The following PNO1 variants were observed in gnomAD, a reference collection of about 807,000 sequenced individuals.
PNO1 encodes RNA-binding protein PNO1.
In PNO1, 16 loss-of-function variants were observed where a neutral mutation model predicts 28.4. The ratio of observed to expected loss-of-function variants is 0.56; its 90% confidence interval spans 0.38 to 0.85. The LOEUF (loss-of-function observed/expected upper bound fraction) is 0.85. PNO1 is among the 40% of genes least tolerant of loss of function. The probability of loss-of-function intolerance (pLI) is 0.00; values close to 1 mark genes in which losing one functional copy is unlikely to be tolerated. For missense variants in PNO1, 304 were observed against 312.2 expected (o/e 0.97, Z 0.20); for synonymous variants, 115 against 110.8 (o/e 1.04, Z -0.24).
intron 3 of PNO1, 46 bp downstream of exon 3, chr2:68,161,812 A>AC: frequency 3.2e-6 from 4 of 1,262,104 alleles, no homozygotes; most frequent in Non-Finnish European, 4.6e-6. Flanking sequence ...AAAAATATTC[A>AC]ATGTGAACAT....
At chr2:68,161,520 C>T (rs973678673) in intron 2 of PNO1, among the ~76,000 whole-genome samples, 163 bp from the exon 3 acceptor site, 28 of 152,300 alleles carry the variant, frequency 1.8e-4, no homozygotes, top group African/African-American at 6.7e-4. Flanking sequence ...AAATAAAGTA[C>T]AGCACTTATC....
chr2:68,168,921 C>CTTTTTTT (rs57701897), intron 5 of PNO1, among the ~76,000 whole-genome samples: 1,284 of 72,466 alleles, frequency 0.018, no homozygotes, highest in East Asian at 0.026. Context: ...CAGCTTTTTT[C>CTTTTTTT]TTTTTTTTTT....
intron 6 of PNO1, among the ~76,000 whole-genome samples, chr2:68,174,390 G>A (rs762045350): frequency 1.4e-5 from 2 of 147,080 alleles, no homozygotes; most frequent in African/African-American, 5.1e-5. Flanking sequence ...CTGTCTGCAA[G>A]GTCCACATCT....
chr2:68,167,163 T>C (rs1674016818), intron 5 of PNO1, among the ~76,000 whole-genome samples: 1 of 152,212 alleles, frequency 6.6e-6, no homozygotes, highest in Non-Finnish European at 1.5e-5. Context: ...TTCCATAGCA[T>C]TGACACTATT....
In PNO1 at chr2:68,173,362, T is replaced by C; in HGVS notation, c.636T>C (p.Leu212=). The change falls in exon 6 of 7, where the codon CTT becomes CTC. Residue 212 remains leucine (L), a synonymous_variant. Transcript: ENST00000263657. ...IVLADVKVHI[L]GSFQNIKMAR... ...TTTCTTTCAGGAAAGTTCACATCCTTGGCTCCTTCCAAAATATCAAGATGG... is the reference window on the plus strand; with the variant it reads ...TTTCTTTCAGGAAAGTTCACATCCTCGGCTCCTTCCAAAATATCAAGATGG... 6.2e-7 allele frequency: 1 copy of C among 1,602,696 alleles called. No homozygotes were observed. Among genetic ancestry groups the C allele is most frequent in the Non-Finnish European group, 8.5e-7 (1 of 1,169,844 alleles).
chr2:68,174,979 G>A lies in PNO1; in HGVS notation c.*177G>A. 2 of 502,492 alleles carry A rather than the reference G, an allele frequency of 4.0e-6. No homozygotes were observed. Among genetic ancestry groups the A allele is most frequent in the Non-Finnish European group, 7.1e-6 (2 of 280,920 alleles). 31.1% of individuals were successfully genotyped at this position (502,492 alleles called of 1,614,324 possible). ...GATTTAAGAGGATTCACACTCAACA[G>A]GTTTTAGGATAATTTAAATATCAAA... is the stretch of plus-strand genomic sequence containing the variant. On this transcript the variant is annotated 3_prime_UTR_variant, in exon 7 of 7. Transcript: ENST00000263657.
intron 2 of PNO1, 135 bp from the exon 3 acceptor site, chr2:68,161,548 A>G (rs1229565931): frequency 3.1e-6 from 2 of 646,758 alleles, no homozygotes; most frequent in African/African-American, 1.8e-5. Flanking sequence ...AACCTGTGTC[A>G]TACAGAATAT....
chr2:68,170,747 C>CA (rs767088135), intron 5 of PNO1, among the ~76,000 whole-genome samples: 14,905 of 60,646 alleles, frequency 0.25, 2,384 homozygotes, highest in African/African-American at 0.44. Flanking sequence ...GACTCCGTCT[C>CA]AAAAAAAAAA....
intron 2 of PNO1, among the ~76,000 whole-genome samples, chr2:68,159,457 C>T (rs998295563): frequency 6.6e-6 from 1 of 151,966 alleles, no homozygotes; most frequent in Non-Finnish European, 1.5e-5. Flanking sequence ...GATCACATCT[C>T]GGCCTCCCAA....
chr2:68,162,628 G>C lies in PNO1; in HGVS notation c.585G>C (p.Glu195Asp). The change falls in exon 5 of 7, where the codon GAG becomes GAC. Residue 195 changes from glutamate to aspartate, a missense_variant. Physicochemically the swap from Glu to Asp is conservative, Grantham distance 45 (BLOSUM62 2). Transcript: ENST00000263657. ...GKGGKTKFTI[E>D]NVTRTRIVLA... ...GAGGAAAAACCAAATTCACCATAGA[G>C]AATGTGACACGGACAAGGATAGTTT... is the stretch of plus-strand genomic sequence containing the variant. 6.2e-7 allele frequency: 1 copy of C among 1,612,896 alleles called. No individual in the cohort carries two copies. The highest frequency in any genetic ancestry group is 1.6e-4 in the Middle Eastern group (1 of 6,062).
chr2:68,173,484 ACC>A (rs1674185825), intron 6 of PNO1, 67 bp downstream of exon 6: 1 of 994,954 alleles, frequency 1.0e-6, no homozygotes, highest in African/African-American at 1.6e-5. Flanking sequence ...GGAAGTCAAA[ACC>A]ACATTTGCAA....
At chr2:68,162,701 T>C (rs749905055) in intron 5 of PNO1, 38 bp downstream of exon 5, 1 of 1,232,456 alleles carries the variant, frequency 8.1e-7, no homozygotes, top group Non-Finnish European at 1.2e-6. Flanking sequence ...TGTCATAATT[T>C]ATATTTGATC....
At chr2:68,163,399 C>T (rs1673887631) in intron 5 of PNO1, among the ~76,000 whole-genome samples, 1 of 152,106 alleles carries the variant, frequency 6.6e-6, no homozygotes, top group Non-Finnish European at 1.5e-5. Flanking sequence ...GGGCATGTGG[C>T]ATACGCCTTT....
intron 5 of PNO1, among the ~76,000 whole-genome samples, chr2:68,167,436 G>T (rs968220507): frequency 6.6e-6 from 1 of 152,174 alleles, no homozygotes; most frequent in African/African-American, 2.4e-5. Context: ...AAGCCTTCTT[G>T]TACATCCAGA....
intron 2 of PNO1, among the ~76,000 whole-genome samples, chr2:68,160,645 T>G (rs1053474465): frequency 6.6e-6 from 1 of 152,252 alleles, no homozygotes; most frequent in African/African-American, 2.4e-5. Context: ...CTTCAGGATA[T>G]TCCCATCTTA....
At chr2:68,174,293 T>A (rs1048241775) in intron 6 of PNO1, among the ~76,000 whole-genome samples, 9 of 31,068 alleles carry the variant, frequency 2.9e-4, no homozygotes, top group African/African-American at 7.9e-4. Context: ...TTAAGGTTTT[T>A]TTTTTTTTTT....
chr2:68,173,088 T>A (rs1674175338), intron 5 of PNO1: 1 of 130,654 alleles, frequency 7.7e-6, no homozygotes, highest in Admixed American at 1.1e-4. Flanking sequence ...AATGTCTTTT[T>A]TTTTTTTTTT....
At position 68,165,545 on chromosome 2, in the gene PNO1, C is replaced by CAAA. The variant is rs36126325; in HGVS notation, c.620+2900_620+2902dup. ...TGGGCGACAGAGTGAGACTCCATCT[C>CAAA]AAAAAAAAAAAAAAAAAAAACGGCT... On this transcript the variant is annotated intron_variant, in intron 5 of 6. Transcript: ENST00000263657. 9.7e-4 allele frequency among the ~76,000 whole-genome samples: 65 copies of CAAA among 67,106 alleles called. 3 individuals carry two copies. The highest frequency in any genetic ancestry group is 2.6e-3 in the African/African-American group (48 of 18,262). The allele number at this position is 67,106 out of a possible 152,430, so 44.0% of individuals were successfully genotyped here.
rs1366235886 is a variant in PNO1 at position 68,161,752 on chromosome 2, G to A, written c.427G>A (p.Gly143Ser). 6 of 1,605,924 alleles carry A rather than the reference G, an allele frequency of 3.7e-6. No individual in the cohort carries two copies. The highest frequency in any genetic ancestry group is 3.3e-5 in the South Asian group (3 of 90,908). ...TGATTTTGTGAAAGCTTTTATTCTC[G>A]GCTTTCAGGTGGAGGTGAGTAATTC... ...AADFVKAFIL[G>S]FQVEDALALI... is the part of the protein sequence containing the mutation. Residue 143 changes from glycine (G) to serine (S), a missense_variant, in exon 3 of 7, where the codon GGC becomes AGC. Physicochemically the swap from Gly to Ser is moderately conservative, Grantham distance 56 (BLOSUM62 0). Transcript: ENST00000263657.
Sources: allele counts gnomAD v4.1 joint callset (sites outside exome capture counted in the v4.1 genomes callset), GRCh38; gene constraint gnomAD v4.1.1; transcripts MANE v1.5; gene names NCBI Gene and HGNC (gene_info 2026-07-23, HGNC 2026-07-21).